REPS2: variants seen among roughly 807,000 people sequenced by gnomAD.
The protein encoded by REPS2 is RALBP1 associated Eps domain containing 2.
REPS2 carries 23 observed loss-of-function variants against 53.6 expected under a neutral mutation model. The observed-to-expected ratio is 0.43, with a 90% confidence interval of 0.31 to 0.61. The LOEUF is 0.61. Ranked by LOEUF, REPS2 falls within the 20% of genes least tolerant of loss-of-function variation. The probability of loss-of-function intolerance (pLI) is 0.11; values close to 1 mark genes in which losing one functional copy is unlikely to be tolerated. For synonymous variants in REPS2, 238 were observed against 218.6 expected, an observed-to-expected ratio of 1.09 and a Z score of -0.78; for missense variants, 446 against 534.9, an observed-to-expected ratio of 0.83 and a Z score of 1.64.
chrX:17,042,852 G>A lies in REPS2; in HGVS notation c.772-4495G>A, dbSNP rs2147898148. 1.8e-5 allele frequency among the ~76,000 whole-genome samples: 2 copies of A among 111,519 alleles called. 1 individual carries two copies. Among genetic ancestry groups the A allele is most frequent in the South Asian group, 7.7e-4 (2 of 2,605 alleles). The stretch of plus-strand genomic sequence containing the variant: ...GCTCTATCACCCAGGCTGGGGTTCA[G>A]TGGTACGATCATGGCTCACTGCAGC... On this transcript the variant is annotated intron_variant, in intron 5 of 17. Coordinates refer to ENST00000357277, the MANE Select transcript of REPS2 (RefSeq NM_004726.3).
chrX:17,173,755 C>T, the REPS2 span, among the ~76,000 whole-genome samples: 2 of 112,181 alleles, frequency 1.8e-5, no homozygotes, highest in South Asian at 7.4e-4. Context: ...TTAAATAAAA[C>T]TGCAGTGATC....
At chrX:17,187,557 A>G in the REPS2 span, among the ~76,000 whole-genome samples, 1 of 112,448 alleles carries the variant, frequency 8.9e-6, no homozygotes, top group Non-Finnish European at 1.9e-5. Context: ...CCCAGCTTCT[A>G]TCTTGGAAGA....
chrX:17,081,791 C>A (rs2062459356), intron 13 of REPS2, among the ~76,000 whole-genome samples: 1 of 112,194 alleles, frequency 8.9e-6, no homozygotes, highest in Non-Finnish European at 1.9e-5. Flanking sequence ...CAGTCCCACA[C>A]AGCTGCTGTG....
chrX:17,155,638 A>C (rs1261793759), downstream of REPS2, among the ~76,000 whole-genome samples: 1 of 112,198 alleles, frequency 8.9e-6, no homozygotes, highest in Non-Finnish European at 1.9e-5. Context: ...TAGTCAAGGA[A>C]TGATTTGTGT....
At chrX:17,023,620 C>T (rs192770648) in intron 3 of REPS2, among the ~76,000 whole-genome samples, 25 of 111,537 alleles carry the variant, frequency 2.2e-4, no homozygotes, top group African/African-American at 7.8e-4. Context: ...TGTACTGTCA[C>T]TTTCATAATT....
At chrX:17,019,585 A>G (rs1210119695) in intron 2 of REPS2, among the ~76,000 whole-genome samples, 2 of 111,909 alleles carry the variant, frequency 1.8e-5, no homozygotes, top group African/African-American at 3.3e-5. Flanking sequence ...GCACTTTAGG[A>G]GGCCAAGACG....
At chrX:17,092,248 G>A (rs183834598) in intron 13 of REPS2, among the ~76,000 whole-genome samples, 15 of 111,954 alleles carry the variant, frequency 1.3e-4, no homozygotes, top group Admixed American at 8.5e-4. Context: ...TTAGTAAATA[G>A]TAATGTTTAT....
chrX:17,050,449 G>A (rs1238124079), intron 6 of REPS2, among the ~76,000 whole-genome samples: 1 of 108,190 alleles, frequency 9.2e-6, no homozygotes, highest in African/African-American at 3.4e-5. Flanking sequence ...TTACTATTGT[G>A]TCCCAACTGC....
chrX:17,037,918 C>G (rs758603198), intron 5 of REPS2, among the ~76,000 whole-genome samples: 57 of 112,014 alleles, frequency 5.1e-4, no homozygotes, highest in African/African-American at 1.8e-3. Context: ...CATGCCCCCC[C>G]AGTTGCCTAT....
At chrX:17,195,865 A>G in the REPS2 span, among the ~76,000 whole-genome samples, 2 of 112,975 alleles carry the variant, frequency 1.8e-5, no homozygotes, top group African/African-American at 3.2e-5. Flanking sequence ...TGCAATAAAA[A>G]TAACTCAATA....
chrX:17,093,200 A>ATATATATATATATATATATAT (rs61196590), intron 13 of REPS2, among the ~76,000 whole-genome samples: 158 of 15,316 alleles, frequency 0.01, no homozygotes, highest in African/African-American at 0.013. Flanking sequence ...ATATATATAT[A>ATATATATATATATATATATAT]ATTTTTTTTT....
chrX:17,140,655 G>C (rs1231373124), intron 17 of REPS2, among the ~76,000 whole-genome samples: 1 of 109,881 alleles, frequency 9.1e-6, no homozygotes, highest in African/African-American at 3.3e-5. Flanking sequence ...ATTTTAGCAT[G>C]CGTATAATTA....
intron 1 of REPS2, 137 bp downstream of exon 1, chrX:16,947,271 G>T (rs1424473353): frequency 9.2e-6 from 8 of 870,107 alleles, no homozygotes; most frequent in African/African-American, 2.1e-5. Context: ...CTCTGCAGCC[G>T]GGGATGGCGG....
At chrX:17,191,769 G>A in the REPS2 span, among the ~76,000 whole-genome samples, 4 of 112,337 alleles carry the variant, frequency 3.6e-5, no homozygotes, top group Non-Finnish European at 5.6e-5. Context: ...AAGAAGTCAG[G>A]CCCCAAAGGC....
At chrX:17,061,093 G>A (rs1223842972) in intron 8 of REPS2, among the ~76,000 whole-genome samples, 1 of 111,661 alleles carries the variant, frequency 9.0e-6, no homozygotes, top group Non-Finnish European at 1.9e-5. Context: ...TAAAGCATCA[G>A]TCATATAATA....
At chrX:17,139,111 A>G (rs755685975) in intron 17 of REPS2, 150 bp downstream of exon 17, 2 of 361,197 alleles carry the variant, frequency 5.5e-6, no homozygotes, top group Admixed American at 5.4e-5. Flanking sequence ...CAGTGATCTG[A>G]TGTGTCCATT....
At chrX:17,182,870 C>CA in the REPS2 span, among the ~76,000 whole-genome samples, 1 of 111,337 alleles carries the variant, frequency 9.0e-6, no homozygotes, top group African/African-American at 3.3e-5. Flanking sequence ...TACCTCATTT[C>CA]AAAAAATCTG....
chrX:17,144,900 C>A (rs745809571), intron 17 of REPS2, among the ~76,000 whole-genome samples: 5 of 111,435 alleles, frequency 4.5e-5, no homozygotes, highest in Non-Finnish European at 9.4e-5. Context: ...AGAGTTGGGG[C>A]TTAGGGAGAT....
chrX:17,113,091 C>CAAAAAAAAAA (rs10567369), intron 14 of REPS2, among the ~76,000 whole-genome samples: 2 of 13,562 alleles, frequency 1.5e-4, no homozygotes, highest in African/African-American at 4.1e-4. Context: ...GACTCTGTCT[C>CAAAAAAAAAA]AAAAAAAAAA....
Sources: allele counts gnomAD v4.1 joint callset (sites outside exome capture counted in the v4.1 genomes callset), GRCh38; gene constraint gnomAD v4.1.1; transcripts MANE v1.5; gene names NCBI Gene and HGNC (gene_info 2026-07-23, HGNC 2026-07-21).